The following LARGE1 variants were observed in gnomAD, a reference collection of about 807,000 sequenced individuals.
LARGE1 encodes the protein LARGE xylosyl- and glucuronyltransferase 1, also known as xylosyl- and glucuronyltransferase LARGE1.
LARGE1 carries 43 observed loss-of-function variants against 87.6 expected under a neutral mutation model. The observed-to-expected ratio is 0.49, with a 90% CI of 0.38 to 0.63. The LOEUF is 0.63. Ranked by LOEUF, LARGE1 falls within the 30% of genes least tolerant of loss-of-function variation. The pLI is 0.00. For missense variants in LARGE1, 802 were observed against 1,000.2 expected (o/e 0.80, Z 2.67); for synonymous variants, 434 against 394.6 (o/e 1.10, Z -1.18).
intron 2 of LARGE1, among the ~76,000 whole-genome samples, chr22:33,701,940 G>A (rs1308174756): frequency 1.3e-5 from 2 of 152,162 alleles, no homozygotes; most frequent in Admixed American, 1.3e-4. Context: ...GTGCTCATGG[G>A]TGTCTGAATC....
intron 7 of LARGE1, among the ~76,000 whole-genome samples, chr22:33,403,603 T>G (rs942431793): frequency 6.6e-6 from 1 of 152,066 alleles, no homozygotes; most frequent in African/African-American, 2.4e-5. Context: ...ACCGGCTCAT[T>G]TCTTTTCTTT....
At chr22:33,575,646 T>A (rs73882270) in intron 5 of LARGE1, among the ~76,000 whole-genome samples, 2,421 of 152,330 alleles carry the variant, frequency 0.016, 56 homozygotes, top group African/African-American at 0.056. Flanking sequence ...TGAACATTTA[T>A]TCAGACATAC....
chr22:33,078,981 C>G, the LARGE1 span, among the ~76,000 whole-genome samples: 1 of 152,162 alleles, frequency 6.6e-6, no homozygotes, highest in Non-Finnish European at 1.5e-5. Flanking sequence ...AGAGACAACA[C>G]AGCACACTAA....
chr22:33,907,084 T>C (rs2065476996), intron 1 of LARGE1, among the ~76,000 whole-genome samples: 1 of 152,060 alleles, frequency 6.6e-6, no homozygotes, highest in Admixed American at 6.5e-5. Context: ...GGAGAAGCAG[T>C]AGGGCTTCCT....
chr22:33,862,424 G>A (rs2063957728), intron 1 of LARGE1, among the ~76,000 whole-genome samples: 1 of 152,218 alleles, frequency 6.6e-6, no homozygotes, highest in Admixed American at 6.5e-5. Flanking sequence ...TCTCAGGGAA[G>A]AGGATTGACG....
intron 5 of LARGE1, among the ~76,000 whole-genome samples, chr22:33,590,455 C>T (rs747914956): frequency 1.3e-5 from 2 of 152,184 alleles, no homozygotes; most frequent in East Asian, 1.9e-4. Context: ...CTCTTTTAAA[C>T]GTACAGTTCA....
intron 11 of LARGE1, among the ~76,000 whole-genome samples, chr22:33,168,007 C>T (rs1220747061): frequency 6.6e-6 from 1 of 152,188 alleles, no homozygotes; most frequent in Non-Finnish European, 1.5e-5. Flanking sequence ...CCTGGGTCAG[C>T]CTCCTACCAG....
At chr22:33,792,220 A>C (rs1237998911) in intron 1 of LARGE1, among the ~76,000 whole-genome samples, 1 of 152,150 alleles carries the variant, frequency 6.6e-6, no homozygotes, top group Non-Finnish European at 1.5e-5. Context: ...CATAATCCCC[A>C]CATGTCATGG....
chr22:33,723,136 C>G (rs2083159962), intron 2 of LARGE1, among the ~76,000 whole-genome samples: 1 of 152,102 alleles, frequency 6.6e-6, no homozygotes, highest in African/African-American at 2.4e-5. Context: ...CCAAAGGGGT[C>G]AGACAGAAGC....
At chr22:33,753,046 C>G (rs1351356364) in intron 2 of LARGE1, among the ~76,000 whole-genome samples, 1 of 152,106 alleles carries the variant, frequency 6.6e-6, no homozygotes, top group African/African-American at 2.4e-5. Flanking sequence ...ATGATGAAAA[C>G]CTGTCTTTAC....
intron 6 of LARGE1, among the ~76,000 whole-genome samples, chr22:33,554,098 G>A (rs1188751500): frequency 6.6e-6 from 1 of 152,176 alleles, no homozygotes; most frequent in African/African-American, 2.4e-5. Flanking sequence ...ACAAGGAGGA[G>A]CTCAGGACAC....
At chr22:33,069,971 T>G in the LARGE1 span, among the ~76,000 whole-genome samples, 1 of 152,148 alleles carries the variant, frequency 6.6e-6, no homozygotes, top group African/African-American at 2.4e-5. Flanking sequence ...ATTACAGGCA[T>G]GCGCCATCGC....
At chr22:33,541,479 C>T (rs1036125416) in intron 6 of LARGE1, among the ~76,000 whole-genome samples, 5 of 152,126 alleles carry the variant, frequency 3.3e-5, no homozygotes, top group African/African-American at 7.2e-5. Context: ...TAGAAATATA[C>T]ACAATTGAGT....
chr22:33,129,582 G>A, the LARGE1 span, among the ~76,000 whole-genome samples: 1 of 152,150 alleles, frequency 6.6e-6, no homozygotes, highest in African/African-American at 2.4e-5. Flanking sequence ...AGTCATCGGT[G>A]TTAGTCCGTT....
intron 11 of LARGE1, among the ~76,000 whole-genome samples, chr22:33,218,194 T>G (rs369770397): frequency 5.3e-5 from 8 of 152,272 alleles, no homozygotes; most frequent in Admixed American, 1.3e-4. Context: ...CCTCCCAAAG[T>G]GCTGGGATTA....
chr22:33,635,836 T>C (rs1169632150), intron 3 of LARGE1, among the ~76,000 whole-genome samples: 2 of 152,242 alleles, frequency 1.3e-5, no homozygotes, highest in East Asian at 3.8e-4. Flanking sequence ...CATCTAAATC[T>C]GTCCACTCTA....
intron 1 of LARGE1, among the ~76,000 whole-genome samples, chr22:33,804,069 A>C (rs1309152760): frequency 6.6e-6 from 1 of 152,156 alleles, no homozygotes; most frequent in Non-Finnish European, 1.5e-5. Flanking sequence ...TTAACACAGC[A>C]ATCCTGGCTG....
intron 11 of LARGE1, among the ~76,000 whole-genome samples, chr22:33,207,272 G>T (rs1924731617): frequency 6.6e-6 from 1 of 152,206 alleles, no homozygotes; most frequent in African/African-American, 2.4e-5. Flanking sequence ...ATGCTTTGGA[G>T]TTCTCCAAGA....
At chr22:33,828,149 T>C (rs1208594226) in intron 1 of LARGE1, among the ~76,000 whole-genome samples, 1 of 152,154 alleles carries the variant, frequency 6.6e-6, no homozygotes, top group African/African-American at 2.4e-5. Context: ...AGCTCTGCAC[T>C]GAAGATGCTA....
Sources: gnomAD v4.1 joint callset for allele counts (sites outside exome capture counted in the v4.1 genomes callset) on GRCh38, gnomAD v4.1.1 for gene constraint, MANE v1.5 for transcripts, NCBI Gene and HGNC (gene_info 2026-07-23, HGNC 2026-07-21) for gene names.